Variants in HYAL4 observed in about 807,000 individuals in gnomAD.
HYAL4 encodes the protein hyaluronidase-4.
In HYAL4, 37 loss-of-function variants were observed where a neutral mutation model predicts 35.2. That is an observed-to-expected ratio of 1.05 (90% CI 0.81 to 1.38). The LOEUF is 1.38. Ranked by LOEUF, HYAL4 falls within the 40% of genes most tolerant of loss-of-function variation. HYAL4 has a pLI of 0.00. For synonymous variants in HYAL4, 198 were observed against 203.2 expected (o/e 0.97, Z 0.22); for missense variants, 572 against 572.4 (o/e 1.00, Z 0.01).
At chr7:123,796,142 G>A in the HYAL4 span, among the ~76,000 whole-genome samples, 5 of 152,166 alleles carry the variant, frequency 3.3e-5, no homozygotes, top group Non-Finnish European at 7.3e-5. Flanking sequence ...CAAAGAATAA[G>A]CACTATTTGC....
chr7:123,871,381 G>A (rs1359228895), intron 3 of HYAL4, among the ~76,000 whole-genome samples: 2 of 151,950 alleles, frequency 1.3e-5, no homozygotes, highest in East Asian at 1.9e-4. Context: ...TAGTAGAGAC[G>A]GGGTTTTGCC....
At chr7:123,869,837 A>T (rs866422296) in intron 3 of HYAL4, among the ~76,000 whole-genome samples, 2 of 140,058 alleles carry the variant, frequency 1.4e-5, no homozygotes, top group African/African-American at 2.7e-5. Context: ...ACAGGTGCTC[A>T]CCCCCCCCCA....
intron 2 of HYAL4, among the ~76,000 whole-genome samples, chr7:123,858,705 A>G (rs1806513570): frequency 6.6e-6 from 1 of 152,214 alleles, no homozygotes; most frequent in Non-Finnish European, 1.5e-5. Flanking sequence ...ACAACATGCC[A>G]TTACTATTAT....
the HYAL4 span, among the ~76,000 whole-genome samples, chr7:123,816,089 C>T: frequency 2.0e-5 from 3 of 152,014 alleles, no homozygotes; most frequent in Admixed American, 6.6e-5. Context: ...AATAAAAACC[C>T]TTTCTTATAC....
upstream of HYAL4, among the ~76,000 whole-genome samples, chr7:123,840,471 C>T (rs1462954350): frequency 2.0e-5 from 3 of 151,162 alleles, no homozygotes; most frequent in African/African-American, 7.2e-5. Context: ...GCAATGTGGG[C>T]TCTTTTTTGG....
Position 123,868,859 on chromosome 7 carries a change from A to G in HYAL4, c.586A>G (p.Lys196Glu). 6.2e-7 allele frequency: 1 copy of G among 1,614,226 alleles called. No individual in the cohort carries two copies. Among genetic ancestry groups the G allele is most frequent in the Non-Finnish European group, 8.5e-7 (1 of 1,180,042 alleles). The change falls in exon 3 of 5, where the codon AAA (lysine) becomes GAA (glutamate). Residue 196 changes from lysine to glutamate, a missense_variant. Transcript: ENST00000223026. ...LAKVTFEESA[K>E]AFMKETIKLG... ...CAAAGTGACCTTTGAAGAAAGTGCA[A>G]AAGCTTTCATGAAGGAAACCATCAA...
At chr7:123,803,044 T>G in the HYAL4 span, among the ~76,000 whole-genome samples, 3 of 152,158 alleles carry the variant, frequency 2.0e-5, no homozygotes, top group Non-Finnish European at 4.4e-5. Context: ...ACCACAAAGT[T>G]GAGAGGCTGT....
chr7:123,839,019 G>T (rs749762675), intron 1 of HYAL4, among the ~76,000 whole-genome samples: 6 of 151,732 alleles, frequency 4.0e-5, no homozygotes, highest in Non-Finnish European at 8.8e-5. Context: ...TTAAGTTCTG[G>T]GTACCTGTGC....
At chr7:123,869,453 G>A (rs1347606001) in intron 3 of HYAL4, among the ~76,000 whole-genome samples, 1 of 152,140 alleles carries the variant, frequency 6.6e-6, no homozygotes, top group Non-Finnish European at 1.5e-5. Context: ...AGGTGAGAAA[G>A]GGTTAAAGTA....
the HYAL4 span, among the ~76,000 whole-genome samples, chr7:123,802,172 C>T: frequency 1.3e-5 from 2 of 152,146 alleles, no homozygotes; most frequent in African/African-American, 4.8e-5. Flanking sequence ...ATACTTGTTG[C>T]AGAAGTTTCT....
intron 1 of HYAL4, among the ~76,000 whole-genome samples, chr7:123,835,393 T>C (rs968111310): frequency 2.6e-5 from 4 of 152,166 alleles, no homozygotes; most frequent in African/African-American, 9.6e-5. Flanking sequence ...AGCCTTGAAA[T>C]GATCTTTTAT....
At chr7:123,866,559 A>G (rs1333254307) in intron 2 of HYAL4, among the ~76,000 whole-genome samples, 2 of 152,202 alleles carry the variant, frequency 1.3e-5, no homozygotes, top group South Asian at 2.1e-4. Flanking sequence ...ACAAATGTCT[A>G]CTGGACACCT....
At chr7:123,779,281 A>T in the HYAL4 span, among the ~76,000 whole-genome samples, 1 of 152,116 alleles carries the variant, frequency 6.6e-6, no homozygotes, top group Non-Finnish European at 1.5e-5. Flanking sequence ...GAGAAGAAAA[A>T]GGTTAAGAAC....
At chr7:123,783,706 T>TA in the HYAL4 span, among the ~76,000 whole-genome samples, 1 of 151,498 alleles carries the variant, frequency 6.6e-6, no homozygotes, top group Non-Finnish European at 1.5e-5. Context: ...AATATAAGTT[T>TA]AAAAAAAAAT....
At chr7:123,841,347 C>T (rs567388974), upstream of HYAL4, among the ~76,000 whole-genome samples, 1 of 151,816 alleles carries the variant, frequency 6.6e-6, no homozygotes, top group Non-Finnish European at 1.5e-5. Context: ...CAACTTGATC[C>T]GTGATGGATA....
intron 2 of HYAL4, among the ~76,000 whole-genome samples, chr7:123,859,101 A>T (rs956949277): frequency 1.8e-4 from 28 of 152,320 alleles, no homozygotes; most frequent in African/African-American, 6.7e-4. Context: ...AATTGAAGAA[A>T]ATCCAAGGAA....
chr7:123,828,740 G>C (rs1174141879), upstream of HYAL4, among the ~76,000 whole-genome samples: 1 of 152,108 alleles, frequency 6.6e-6, no homozygotes, highest in East Asian at 1.9e-4. Flanking sequence ...ACCTGGAAAT[G>C]ATACGAATTT....
At chr7:123,829,339 T>A (rs1157490217) in intron 1 of HYAL4, 3 of 152,174 alleles carry the variant, frequency 2.0e-5, no homozygotes, top group African/African-American at 7.2e-5. Context: ...TTATGGCTTC[T>A]TCTGTGATTC....
intron 2 of HYAL4, among the ~76,000 whole-genome samples, chr7:123,850,608 C>A (rs1305577053): frequency 6.6e-6 from 1 of 152,158 alleles, no homozygotes; most frequent in African/African-American, 2.4e-5. Flanking sequence ...TGTTCACAGA[C>A]CGAAGTCTCT....
Sources: allele counts gnomAD v4.1 joint callset (sites outside exome capture counted in the v4.1 genomes callset), GRCh38; gene constraint gnomAD v4.1.1; transcripts MANE v1.5; gene names NCBI Gene and HGNC (gene_info 2026-07-23, HGNC 2026-07-21).